CACNA1E: variants seen among roughly 807,000 people sequenced by gnomAD.
CACNA1E encodes the protein calcium voltage-gated channel subunit alpha1 E, also known as voltage-dependent R-type calcium channel subunit alpha-1E.
Under a neutral mutation model 259.2 loss-of-function variants are expected in CACNA1E, and 40 were observed. The ratio of observed to expected loss-of-function variants is 0.15; its 90% confidence interval spans 0.12 to 0.20. The LOEUF (loss-of-function observed/expected upper bound fraction) is 0.20. Among genes scored for constraint, CACNA1E ranks in the 10% least tolerant of loss-of-function variants. The pLI is 1.00. For missense variants in CACNA1E, 1,874 were observed against 3,040.1 expected, an observed-to-expected ratio of 0.62 and a Z score of 9.02; for synonymous variants, 1,104 against 1,138.5, an observed-to-expected ratio of 0.97 and a Z score of 0.61.
intron 2 of CACNA1E, among the ~76,000 whole-genome samples, chr1:181,448,459 G>A (rs1351284257): frequency 6.6e-6 from 1 of 152,216 alleles, no homozygotes; most frequent in Non-Finnish European, 1.5e-5. Flanking sequence ...TTCCAAATCT[G>A]AATGTTTCTC....
intron 26 of CACNA1E, chr1:181,751,863 C>G: frequency 1.7e-6 from 1 of 572,536 alleles, no homozygotes; most frequent in Admixed American, 2.2e-5. Context: ...ATGGATGCCT[C>G]TGTGTGCCTG....
intron 1 of CACNA1E, among the ~76,000 whole-genome samples, chr1:181,341,952 A>G (rs1417815000): frequency 6.6e-6 from 1 of 152,246 alleles, no homozygotes; most frequent in Middle Eastern, 3.2e-3. Flanking sequence ...GTAACTAGAC[A>G]AGTAAATAAG....
chr1:181,622,087 G>C (rs1253486237), intron 6 of CACNA1E, among the ~76,000 whole-genome samples: 2 of 152,186 alleles, frequency 1.3e-5, no homozygotes, highest in Non-Finnish European at 2.9e-5. Context: ...GCTCCTGGAT[G>C]AGTTAGGTCA....
At chr1:181,436,705 G>A (rs912756805) in intron 2 of CACNA1E, among the ~76,000 whole-genome samples, 5 of 152,034 alleles carry the variant, frequency 3.3e-5, no homozygotes, top group African/African-American at 4.8e-5. Flanking sequence ...GGCTGGGGAC[G>A]AGGGGGGTGG....
At chr1:181,509,631 C>T (rs936806163) in intron 1 of CACNA1E, among the ~76,000 whole-genome samples, 5 of 152,178 alleles carry the variant, frequency 3.3e-5, no homozygotes, top group Non-Finnish European at 4.4e-5. Context: ...CCACCTCCCT[C>T]GGAGCATGTG....
At chr1:181,428,162 A>G (rs1659441189) in intron 2 of CACNA1E, among the ~76,000 whole-genome samples, 1 of 152,142 alleles carries the variant, frequency 6.6e-6, no homozygotes, top group African/African-American at 2.4e-5. Context: ...TCTCCGGAGG[A>G]CTGGCACTTC....
At chr1:181,477,087 A>G (rs973047559) in intron 2 of CACNA1E, among the ~76,000 whole-genome samples, 4 of 152,166 alleles carry the variant, frequency 2.6e-5, no homozygotes, top group Non-Finnish European at 4.4e-5. Context: ...GTGATCCTAG[A>G]TACATTGAAA....
At chr1:181,500,593 G>C (rs1439723575) in intron 1 of CACNA1E, among the ~76,000 whole-genome samples, 1 of 152,198 alleles carries the variant, frequency 6.6e-6, no homozygotes, top group Non-Finnish European at 1.5e-5. Flanking sequence ...CTTCGGATGG[G>C]TACTCTGCAC....
chr1:181,708,475 G>C (rs990022080), intron 7 of CACNA1E, among the ~76,000 whole-genome samples: 1 of 152,182 alleles, frequency 6.6e-6, no homozygotes, highest in Non-Finnish European at 1.5e-5. Context: ...AGATGCTCAA[G>C]GATGATCATG....
intron 3 of CACNA1E, among the ~76,000 whole-genome samples, chr1:181,566,886 T>C (rs1370277704): frequency 6.6e-6 from 1 of 151,986 alleles, no homozygotes; most frequent in Non-Finnish European, 1.5e-5. Context: ...CTGGAGATGT[T>C]GTTGGTTGTC....
At chr1:181,384,368 T>G (rs1026816994) in intron 1 of CACNA1E, among the ~76,000 whole-genome samples, 6 of 152,332 alleles carry the variant, frequency 3.9e-5, no homozygotes, top group Middle Eastern at 3.4e-3. Flanking sequence ...TCCAGTGTCA[T>G]TCTTAGAAGG....
intron 1 of CACNA1E, among the ~76,000 whole-genome samples, chr1:181,328,070 C>T (rs1202218320): frequency 6.6e-6 from 1 of 152,198 alleles, no homozygotes; most frequent in Non-Finnish European, 1.5e-5. Flanking sequence ...AAGCAAGTGT[C>T]TTTGTTTGAG....
intron 6 of CACNA1E, among the ~76,000 whole-genome samples, chr1:181,629,726 A>G (rs1340917420): frequency 6.6e-6 from 1 of 152,192 alleles, no homozygotes; most frequent in Non-Finnish European, 1.5e-5. Flanking sequence ...AAAGGAAGAG[A>G]GTAAGCGATT....
chr1:181,587,145 TA>T (rs1255680240), intron 6 of CACNA1E, among the ~76,000 whole-genome samples: 1 of 152,186 alleles, frequency 6.6e-6, no homozygotes, highest in Non-Finnish European at 1.5e-5. Flanking sequence ...TGGAATCTTG[TA>T]GAAATTCTCT....
At chr1:181,774,668 A>C (rs1343634115) in intron 37 of CACNA1E, among the ~76,000 whole-genome samples, 1 of 152,226 alleles carries the variant, frequency 6.6e-6, no homozygotes, top group African/African-American at 2.4e-5. Context: ...AAGGAAGAGA[A>C]GAGTCTGGCT....
At chr1:181,465,385 G>T (rs2102391384) in intron 2 of CACNA1E, among the ~76,000 whole-genome samples, 1 of 152,190 alleles carries the variant, frequency 6.6e-6, no homozygotes, top group Non-Finnish European at 1.5e-5. Flanking sequence ...ATCAATACTA[G>T]AAAATTTATC....
chr1:181,552,422 A>G (rs189892360), intron 3 of CACNA1E, among the ~76,000 whole-genome samples: 207 of 152,140 alleles, frequency 1.4e-3, no homozygotes, highest in Middle Eastern at 6.8e-3. Flanking sequence ...GCAGGTGGAA[A>G]TTATAATAGT....
At chr1:181,606,694 A>G (rs1300607406) in intron 6 of CACNA1E, among the ~76,000 whole-genome samples, 1 of 152,254 alleles carries the variant, frequency 6.6e-6, no homozygotes, top group Admixed American at 6.5e-5. Flanking sequence ...CATGATCCAT[A>G]AGACGAGTGG....
chr1:181,704,608 C>T (rs1287148288), intron 7 of CACNA1E, among the ~76,000 whole-genome samples: 3 of 152,236 alleles, frequency 2.0e-5, no homozygotes, highest in South Asian at 4.1e-4. Flanking sequence ...TGTACGTATG[C>T]TGCTTGTGCC....
Sources: gnomAD v4.1 joint callset for allele counts (sites outside exome capture counted in the v4.1 genomes callset) on GRCh38, gnomAD v4.1.1 for gene constraint, MANE v1.5 for transcripts, NCBI Gene and HGNC (gene_info 2026-07-23, HGNC 2026-07-21) for gene names.